Variants in INPP5D observed in about 807,000 individuals in gnomAD.
INPP5D encodes phosphatidylinositol 3,4,5-trisphosphate 5-phosphatase 1.
INPP5D carries 33 observed loss-of-function variants against 122.9 expected under a neutral mutation model. The observed-to-expected ratio is 0.27, with a 90% CI of 0.20 to 0.36. The LOEUF (loss-of-function observed/expected upper bound fraction) is 0.36, where lower values mean the gene tolerates loss of function less well. Ranked by LOEUF, INPP5D falls within the 10% of genes least tolerant of loss-of-function variation. INPP5D has a pLI of 1.00. For missense variants in INPP5D, 1,053 were observed against 1,412.7 expected (o/e 0.75, Z 4.08); for synonymous variants, 584 against 576.2 (o/e 1.01, Z -0.19).
chr2:233,098,788 C>T (rs764606870), intron 2 of INPP5D, among the ~76,000 whole-genome samples: 80 of 152,120 alleles, frequency 5.3e-4, no homozygotes, highest in Non-Finnish European at 9.3e-4. Flanking sequence ...ACCCTCCCAC[C>T]GGGCGCCCCT....
intron 2 of INPP5D, among the ~76,000 whole-genome samples, chr2:233,102,857 A>G (rs1319507688): frequency 6.6e-6 from 1 of 150,618 alleles, no homozygotes; most frequent in Non-Finnish European, 1.5e-5. Flanking sequence ...CTCAAAAAAA[A>G]AAAAAAACAA....
In INPP5D at chr2:233,146,188, C is replaced by A. The variant is rs1693754101; in HGVS notation, c.780C>A (p.Asn260Lys). 3 of 704,186 alleles carry A rather than the reference C, an allele frequency of 4.3e-6. No individual in the cohort carries two copies. The highest frequency in any genetic ancestry group is 7.8e-6 in the Non-Finnish European group (3 of 385,008). 43.6% of individuals were successfully genotyped at this position (704,186 alleles called of 1,614,324 possible). A position where few individuals can be genotyped will look rare whatever the true frequency, so the allele number is the denominator to read the frequency against. ...PQVPGEANPI[N>K]MVSKLSQLTS... ...TTCCTGGTGAGGCCAATCCCATCAA[C>A]ATGGTGTCCAAGCTCAGCCAACTGA... The change falls in exon 7 of 27, where the codon AAC becomes AAA. Residue 260 changes from asparagine to lysine, a missense_variant. Physicochemically the swap from Asn to Lys is moderately conservative, Grantham distance 94 (BLOSUM62 0). This residue lies in a region of INPP5D where 196 missense variants were observed against 175.6 expected (regional missense o/e 1.12). Coordinates refer to ENST00000445964, the MANE Select transcript of INPP5D (RefSeq NM_001017915.3).
At chr2:233,162,149 AGCCCTAGGCAGCTCACCAAGGG>A (rs1694214229) in intron 11 of INPP5D, among the ~76,000 whole-genome samples, 1 of 152,160 alleles carries the variant, frequency 6.6e-6, no homozygotes, top group African/African-American at 2.4e-5. Flanking sequence ...GAACCCTGCC[AGCCCTAGGCAGCTCACCAAGGG>A]GCCCCAGGCC....
rs567340664 is a variant in INPP5D at position 233,193,330 on chromosome 2, T to G, written c.2447-482T>G. Among the ~76,000 whole-genome samples, 27 of 152,358 alleles carry G rather than the reference T, an allele frequency of 1.8e-4. No homozygotes were observed. The South Asian group carries it at 5.6e-3, about 32-fold the overall frequency. On this transcript the variant is annotated intron_variant, in intron 22 of 26. Transcript: ENST00000445964. ...TTTATTAAAATTAACCAGCTGCAATTCTTTTTGTGTGAAACGTCTGTCTGT... is the reference window on the plus strand; with the variant it reads ...TTTATTAAAATTAACCAGCTGCAATGCTTTTTGTGTGAAACGTCTGTCTGT...
chr2:233,153,001 G>A (rs1693958715), intron 9 of INPP5D, among the ~76,000 whole-genome samples: 1 of 152,210 alleles, frequency 6.6e-6, no homozygotes, highest in Non-Finnish European at 1.5e-5. Flanking sequence ...AGAGGCGGTG[G>A]CAGCTGGAGA....
intron 2 of INPP5D, among the ~76,000 whole-genome samples, chr2:233,107,694 C>T (rs1434600281): frequency 6.6e-6 from 1 of 152,076 alleles, no homozygotes; most frequent in Non-Finnish European, 1.5e-5. Context: ...GCCCCCCAGC[C>T]CTGGACAGCA....
chr2:233,171,793 G>C (rs1694499331), intron 17 of INPP5D, among the ~76,000 whole-genome samples: 1 of 152,238 alleles, frequency 6.6e-6, no homozygotes, highest in Non-Finnish European at 1.5e-5. Context: ...TATGCAACTA[G>C]CTGTAGCCAG....
chr2:233,125,163 T>C (rs1033478432), intron 3 of INPP5D, among the ~76,000 whole-genome samples: 2 of 152,390 alleles, frequency 1.3e-5, no homozygotes, highest in South Asian at 2.1e-4. Context: ...AAGTCATTTG[T>C]TGAATGTCTC....
chr2:233,119,912 C>T (rs1692920872), intron 2 of INPP5D, among the ~76,000 whole-genome samples: 2 of 152,218 alleles, frequency 1.3e-5, no homozygotes, highest in Admixed American at 6.5e-5. Context: ...GACCTTCAGG[C>T]ACCCTCCCAC....
At chr2:233,092,228 C>T (rs1180029813) in intron 2 of INPP5D, among the ~76,000 whole-genome samples, 1 of 152,240 alleles carries the variant, frequency 6.6e-6, no homozygotes, top group Non-Finnish European at 1.5e-5. Flanking sequence ...GCTCTGCCCC[C>T]TCAGGCAGCT....
intron 22 of INPP5D, 138 bp downstream of exon 22, chr2:233,190,075 G>A: frequency 7.3e-7 from 1 of 1,371,310 alleles, no homozygotes; most frequent in Non-Finnish European, 9.7e-7. Flanking sequence ...GCTGCTAGTG[G>A]GACCGTCACC....
rs144265395 is a variant in INPP5D at position 233,157,729 on chromosome 2, C to A, written c.1031-584C>A. Among the ~76,000 whole-genome samples, 1,244 of 146,378 alleles carry A rather than the reference C, an allele frequency of 8.5e-3. 18 individuals are homozygous for A. Among genetic ancestry groups the A allele is most frequent in the African/African-American group, 0.031 (1,189 of 38,144 alleles). On this transcript the variant is annotated intron_variant, in intron 9 of 26. Transcript: ENST00000445964. Reference sequence around the variant, plus strand: ...TAGGACATAATGAAAACTGAAACATCGGAAAGTATTAATCTAAGCATTTTT... The same window carrying A: ...TAGGACATAATGAAAACTGAAACATAGGAAAGTATTAATCTAAGCATTTTT...
At chr2:233,135,089 T>TTA (rs1693432044) in intron 5 of INPP5D, among the ~76,000 whole-genome samples, 2 of 148,706 alleles carry the variant, frequency 1.3e-5, no homozygotes, top group East Asian at 2.0e-4. Context: ...ATGTATACAA[T>TTA]AAAAAAAAAA....
At chr2:233,153,339 C>G (rs752838773) in intron 9 of INPP5D, among the ~76,000 whole-genome samples, 4 of 152,122 alleles carry the variant, frequency 2.6e-5, no homozygotes, top group African/African-American at 9.7e-5. Flanking sequence ...GAGGTGCAGA[C>G]GAGGCTGATG....
intron 2 of INPP5D, 104 bp downstream of exon 2, chr2:233,079,502 C>T (rs771928545): frequency 4.6e-5 from 36 of 780,936 alleles, no homozygotes; most frequent in Admixed American, 9.8e-5. Context: ...GGTAGCCGGA[C>T]GTGAAGGCCT....
rs946039944 is a variant in INPP5D, at chr2:233,169,249, C to T, written c.1556-56C>T. 6.4e-6 allele frequency: 10 copies of T among 1,551,566 alleles called. No individual in the cohort carries two copies. The African/African-American group carries it at 1.4e-4, about 21-fold the overall frequency. ...CCCTGCCTTCGGGTGATTTCTGGCC[C>T]CTTGGCAAGTGTGTCTGTTTGATAT... On this transcript the variant is annotated intron_variant, in intron 13 of 26. Transcript: ENST00000445964.
chr2:233,162,051 C>G (rs1001925730), intron 11 of INPP5D, among the ~76,000 whole-genome samples: 12 of 152,158 alleles, frequency 7.9e-5, no homozygotes, highest in Admixed American at 3.3e-4. Flanking sequence ...TATCGTACCC[C>G]AAGAGCAGCT....
intron 10 of INPP5D, among the ~76,000 whole-genome samples, chr2:233,159,730 G>C (rs1017947653): frequency 6.8e-6 from 1 of 147,116 alleles, no homozygotes; most frequent in Non-Finnish European, 1.5e-5. Context: ...AGCGCAATAA[G>C]GGTGTCCATC....
At position 233,193,921 on chromosome 2, in the gene INPP5D, G is replaced by A; in HGVS notation, c.2556G>A (p.Lys852=). Residue 852 remains lysine (K), a synonymous_variant, in exon 23 of 27, where the codon AAG becomes AAA. Coordinates refer to ENST00000445964, the MANE Select transcript of INPP5D (RefSeq NM_001017915.3). ...CAGGCCACTTCCAGGGGGAGATCAA[G>A]CTGCAGACCTCTCAGGGCAAGACGA... ...ELTGHFQGEI[K]LQTSQGKTRE... is the part of the protein sequence containing the mutation. 1 of 1,613,262 alleles carries A rather than the reference G, an allele frequency of 6.2e-7. No individual in the cohort carries two copies. The highest frequency in any genetic ancestry group is 8.5e-7 in the Non-Finnish European group (1 of 1,179,334).
Sources: gnomAD v4.1 joint callset for allele counts (sites outside exome capture counted in the v4.1 genomes callset) on GRCh38, gnomAD v4.1.1 for gene constraint, gnomAD v4.1.1 regional missense constraint, MANE v1.5 for transcripts, NCBI Gene and HGNC (gene_info 2026-07-23, HGNC 2026-07-21) for gene names.